Variants in NDST3 observed in about 807,000 individuals in gnomAD.
The protein encoded by NDST3 is bifunctional heparan sulfate N-deacetylase/N-sulfotransferase 3.
NDST3 carries 58 observed loss-of-function variants against 96.1 expected under a neutral mutation model. The observed-to-expected ratio is 0.60, with a 90% confidence interval of 0.49 to 0.75. The LOEUF is 0.75. Ranked by LOEUF, NDST3 falls within the 30% of genes least tolerant of loss-of-function variation. NDST3 has a pLI of 0.00. For synonymous variants in NDST3, 333 were observed against 359.7 expected (o/e 0.93, Z 0.84); for missense variants, 788 against 1,034.2 (o/e 0.76, Z 3.27).
chr4:118,123,847 C>G (rs2125877814), intron 4 of NDST3, among the ~76,000 whole-genome samples: 1 of 152,138 alleles, frequency 6.6e-6, no homozygotes, highest in Middle Eastern at 3.4e-3. Flanking sequence ...GAAAATCACT[C>G]TCCCCCAAAT....
chr4:118,253,968 T>C (rs1741938832), intron 13 of NDST3, among the ~76,000 whole-genome samples: 1 of 152,188 alleles, frequency 6.6e-6, no homozygotes, highest in African/African-American at 2.4e-5. Flanking sequence ...TGGCCGAGTG[T>C]GGCGGCTCAT....
intron 1 of NDST3, among the ~76,000 whole-genome samples, chr4:118,049,020 A>G (rs1365423367): frequency 6.6e-6 from 1 of 152,192 alleles, no homozygotes; most frequent in East Asian, 1.9e-4. Context: ...AATCATACCA[A>G]GAACATTCAC....
At chr4:118,167,856 A>G (rs1282334161) in intron 6 of NDST3, among the ~76,000 whole-genome samples, 1 of 152,030 alleles carries the variant, frequency 6.6e-6, no homozygotes, top group African/African-American at 2.4e-5. Context: ...CTGAATATTC[A>G]CATATAAAAA....
intron 2 of NDST3, among the ~76,000 whole-genome samples, chr4:118,097,909 T>C (rs1560640755): frequency 6.6e-6 from 1 of 151,898 alleles, no homozygotes; most frequent in East Asian, 1.9e-4. Flanking sequence ...TCACGCTGGG[T>C]TTTGGGAATG....
intron 2 of NDST3, among the ~76,000 whole-genome samples, chr4:118,087,569 G>C (rs913346189): frequency 6.6e-6 from 1 of 152,078 alleles, no homozygotes; most frequent in African/African-American, 2.4e-5. Flanking sequence ...ATTTGAGCCT[G>C]GCACAAATCA....
intron 6 of NDST3, among the ~76,000 whole-genome samples, chr4:118,147,382 C>T (rs1734025015): frequency 6.6e-6 from 1 of 152,120 alleles, no homozygotes; most frequent in African/African-American, 2.4e-5. Flanking sequence ...AACACACAGG[C>T]ATGAGATTTC....
chr4:118,148,752 T>C (rs1734146256), intron 6 of NDST3, among the ~76,000 whole-genome samples: 3 of 152,196 alleles, frequency 2.0e-5, no homozygotes, highest in African/African-American at 7.2e-5. Flanking sequence ...TGAAAGGAAA[T>C]AATACATTGA....
At chr4:118,174,699 C>T (rs141720853) in intron 6 of NDST3, among the ~76,000 whole-genome samples, 1 of 152,124 alleles carries the variant, frequency 6.6e-6, no homozygotes, top group African/African-American at 2.4e-5. Flanking sequence ...CATGAGCATT[C>T]AGAAAACATT....
In NDST3 at chr4:118,064,431, A is replaced by G. The variant is rs538654543; in HGVS notation, c.981+9540A>G. Among the ~76,000 whole-genome samples, 5 of 152,278 alleles carry G rather than the reference A, an allele frequency of 3.3e-5. No individual in the cohort carries two copies. In the East Asian group the frequency reaches 9.7e-4, roughly 29 times the overall value. The stretch of plus-strand genomic sequence containing the variant: ...GAAGTACAAAATGGATCTTAAAATC[A>G]TGATGTTAATATAAAATAAATGATG... On this transcript the variant is annotated intron_variant, in intron 2 of 13. Coordinates refer to ENST00000296499, the MANE Select transcript of NDST3 (RefSeq NM_004784.3).
intron 4 of NDST3, among the ~76,000 whole-genome samples, chr4:118,115,478 G>T (rs1448802556): frequency 6.6e-6 from 1 of 152,158 alleles, no homozygotes; most frequent in African/African-American, 2.4e-5. Context: ...AAATGAGGCT[G>T]AGGGAAAAGA....
At chr4:118,179,726 C>A (rs554763426) in intron 6 of NDST3, among the ~76,000 whole-genome samples, 1 of 151,944 alleles carries the variant, frequency 6.6e-6, no homozygotes, top group South Asian at 2.1e-4. Flanking sequence ...AGGGCTAGTT[C>A]CTCCCATCTC....
intron 1 of NDST3, 132 bp downstream of exon 1, chr4:118,034,724 TGAA>T (rs1724048167): frequency 6.6e-6 from 1 of 152,182 alleles, no homozygotes; most frequent in African/African-American, 2.4e-5. Context: ...ATTTTATTCT[TGAA>T]GAAGAAATAT....
rs143956663 is a variant in NDST3 at position 118,061,320 on chromosome 4, C to T, written c.981+6429C>T. ...CTTTCTCAGTGAAGTCTTCTCTGAC[C>T]ATTCTCTTTAAAGTTGCAACCTCTA... On this transcript the variant is annotated intron_variant, in intron 2 of 13. Coordinates refer to ENST00000296499, the MANE Select transcript of NDST3 (RefSeq NM_004784.3). Among the ~76,000 whole-genome samples the T allele has an allele frequency of 2.0e-4, 31 of 152,176 alleles. 1 individual carries two copies. Among genetic ancestry groups the T allele is most frequent in the Middle Eastern group, 3.4e-3 (1 of 294 alleles).
intron 2 of NDST3, among the ~76,000 whole-genome samples, chr4:118,094,212 A>G (rs957438828): frequency 6.6e-6 from 1 of 151,840 alleles, no homozygotes; most frequent in Non-Finnish European, 1.5e-5. Flanking sequence ...TCTCATAGGC[A>G]TTTTGCTTAT....
At chr4:118,242,745 G>T (rs1174451850) in intron 12 of NDST3, among the ~76,000 whole-genome samples, 1 of 152,044 alleles carries the variant, frequency 6.6e-6, no homozygotes, top group Non-Finnish European at 1.5e-5. Flanking sequence ...CTGTTTGTTT[G>T]TATGGTTTTT....
intron 4 of NDST3, among the ~76,000 whole-genome samples, chr4:118,129,122 T>C (rs1197814729): frequency 4.0e-5 from 6 of 151,804 alleles, no homozygotes; most frequent in Admixed American, 2.0e-4. Context: ...ATTTTGTTTA[T>C]CTTAGAAAAA....
rs187743367 is a variant in NDST3, at chr4:118,196,731, C to A, written c.1540-27760C>A. On this transcript the variant is annotated intron_variant, in intron 6 of 13. Transcript: ENST00000296499. ...CTCTGATTTTACATATTTGGATCTT[C>A]TTTTTTTTTCTTAGGCAAGCTAAAA... is the stretch of plus-strand genomic sequence containing the variant. Among the ~76,000 whole-genome samples the A allele has an allele frequency of 2.4e-3, 369 of 150,778 alleles. 3 individuals are homozygous for A. The highest frequency in any genetic ancestry group is 8.3e-3 in the African/African-American group (342 of 41,202).
chr4:118,243,911 A>G (rs1014472310), intron 12 of NDST3, among the ~76,000 whole-genome samples: 2 of 152,200 alleles, frequency 1.3e-5, no homozygotes, highest in African/African-American at 2.4e-5. Context: ...GCAACATACT[A>G]TATACAAAGA....
intron 2 of NDST3, among the ~76,000 whole-genome samples, chr4:118,065,040 A>C (rs1178400076): frequency 6.6e-6 from 1 of 152,134 alleles, no homozygotes; most frequent in Non-Finnish European, 1.5e-5. Context: ...AATCCAGAAT[A>C]ATCTCCCCAT....
Sources: gnomAD v4.1 joint callset for allele counts (sites outside exome capture counted in the v4.1 genomes callset) on GRCh38, gnomAD v4.1.1 for gene constraint, MANE v1.5 for transcripts, NCBI Gene and HGNC (gene_info 2026-07-23, HGNC 2026-07-21) for gene names.